The following TTC6 variants were observed in gnomAD, a reference collection of about 807,000 sequenced individuals.
TTC6 encodes tetratricopeptide repeat domain 6.
In TTC6, 172 loss-of-function variants were observed where a neutral mutation model predicts 210.4. That is an observed-to-expected ratio of 0.82 (90% CI 0.72 to 0.93). TTC6 has a LOEUF of 0.93. Among genes scored for constraint, TTC6 ranks in the 40% least tolerant of loss-of-function variants. The pLI is 0.00. For synonymous variants in TTC6, 804 were observed against 819.6 expected (o/e 0.98, Z 0.32); for missense variants, 2,414 against 2,318.1 (o/e 1.04, Z -0.85).
chr14:37,759,262 CAA>C (rs71127241), intron 14 of TTC6, among the ~76,000 whole-genome samples: 8 of 119,880 alleles, frequency 6.7e-5, no homozygotes, highest in Admixed American at 8.7e-5. Flanking sequence ...GACTCCATCT[CAA>C]AAAAAAAAAA....
At chr14:37,653,167 G>A (rs560279068) in intron 1 of TTC6, among the ~76,000 whole-genome samples, 12 of 152,182 alleles carry the variant, frequency 7.9e-5, no homozygotes, top group East Asian at 3.9e-4. Context: ...CAGTGGCTCC[G>A]GCCTTTGCCT....
At chr14:37,784,073 A>G (rs1349664203) in intron 14 of TTC6, among the ~76,000 whole-genome samples, 2 of 152,194 alleles carry the variant, frequency 1.3e-5, no homozygotes, top group African/African-American at 4.8e-5. Flanking sequence ...TTTTGGAATA[A>G]GTCCGATGTG....
chr14:37,658,050 C>CA (rs1173386312), intron 1 of TTC6, among the ~76,000 whole-genome samples: 1 of 151,920 alleles, frequency 6.6e-6, no homozygotes, highest in Non-Finnish European at 1.5e-5. Context: ...TTTGTTGAAC[C>CA]AGGAGACAAA....
intron 7 of TTC6, among the ~76,000 whole-genome samples, chr14:37,725,705 C>T (rs1330213193): frequency 1.3e-5 from 2 of 151,954 alleles, no homozygotes; most frequent in African/African-American, 4.8e-5. Flanking sequence ...ATCCATGTGA[C>T]TTTAGCTAGT....
intron 7 of TTC6, among the ~76,000 whole-genome samples, chr14:37,727,889 T>C (rs2095876888): frequency 6.6e-6 from 1 of 152,222 alleles, no homozygotes; most frequent in Non-Finnish European, 1.5e-5. Flanking sequence ...TCTTGGAATT[T>C]ATGGATATTT....
intron 20 of TTC6, among the ~76,000 whole-genome samples, chr14:37,797,950 G>T (rs2096096514): frequency 6.6e-6 from 1 of 152,002 alleles, no homozygotes; most frequent in Admixed American, 6.6e-5. Flanking sequence ...CTTATTACAA[G>T]TTTTCACATA....
chr14:37,749,828 A>ATATATACATATATATATTTTATATATGT lies in TTC6; in HGVS notation c.2941_2942insTATATACATATATATATTTTATATATGT (p.Asn981IlefsTer11). The ATATATACATATATATATTTTATATATGT allele has an allele frequency of 7.1e-7, 1 of 1,401,270 alleles. No homozygotes were observed. The highest frequency in any genetic ancestry group is 1.7e-5 in the South Asian group (1 of 59,346). 86.8% of individuals were successfully genotyped at this position (1,401,270 alleles called of 1,614,324 possible). A position where few individuals can be genotyped will look rare whatever the true frequency, so the allele number is the denominator to read the frequency against. ...TGACTTGAATTATATACATAAATAT[A>ATATATACATATATATATTTTATATATGT]ATAAAAATAATACAGGTGGGTTGTC... is the stretch of plus-strand genomic sequence containing the variant. On this transcript the variant is annotated frameshift_variant, in exon 12 of 31. Coordinates refer to ENST00000553443, the Ensembl canonical transcript of TTC6. LOFTEE classifies it high-confidence loss of function.
intron 10 of TTC6, among the ~76,000 whole-genome samples, chr14:37,742,530 A>G (rs947076825): frequency 6.7e-6 from 1 of 150,014 alleles, no homozygotes; most frequent in African/African-American, 2.5e-5. Context: ...CCACTTCATC[A>G]TCTCAAGTAG....
chr14:37,781,212 C>A (rs981699290), intron 14 of TTC6, among the ~76,000 whole-genome samples: 4 of 152,180 alleles, frequency 2.6e-5, no homozygotes, highest in African/African-American at 9.7e-5. Flanking sequence ...ACACTGTCTT[C>A]CACAATGGTT....
At chr14:37,723,434 C>T (rs1478269027) in intron 6 of TTC6, among the ~76,000 whole-genome samples, 2 of 152,146 alleles carry the variant, frequency 1.3e-5, no homozygotes, top group Non-Finnish European at 2.9e-5. Flanking sequence ...TATATGTAAA[C>T]ATCTGTATCT....
intron 26 of TTC6, among the ~76,000 whole-genome samples, chr14:37,822,328 T>A (rs1347959153): frequency 1.3e-5 from 2 of 152,156 alleles, no homozygotes; most frequent in Non-Finnish European, 2.9e-5. Flanking sequence ...CTGGGGCAAC[T>A]TTCATGAAGG....
chr14:37,738,745 G>GT (rs1346632538), intron 9 of TTC6, 31 bp from the exon 12 acceptor site: 8 of 1,409,412 alleles, frequency 5.7e-6, no homozygotes, highest in Non-Finnish European at 7.4e-6. Context: ...TTGATTTTAC[G>GT]TTTTTTCTAC....
At chr14:37,762,325 A>G (rs1316199272) in intron 14 of TTC6, among the ~76,000 whole-genome samples, 1 of 152,176 alleles carries the variant, frequency 6.6e-6, no homozygotes, top group Non-Finnish European at 1.5e-5. Context: ...GATTTCAAAT[A>G]CTTTGGATAT....
chr14:37,690,901 C>A (rs2138613900), intron 3 of TTC6, among the ~76,000 whole-genome samples: 1 of 152,252 alleles, frequency 6.6e-6, no homozygotes, highest in African/African-American at 2.4e-5. Flanking sequence ...ACATTTCATC[C>A]AATGGTTGCA....
chr14:37,833,311 A>G (rs1033879453), intron 29 of TTC6, among the ~76,000 whole-genome samples: 3 of 152,150 alleles, frequency 2.0e-5, no homozygotes, highest in African/African-American at 7.2e-5. Flanking sequence ...TGATGCATAT[A>G]TATTTACAAT....
rs1176650230 is a variant in TTC6 at position 37,646,808 on chromosome 14, A to G, written c.939+23805A>G. 2.0e-5 allele frequency among the ~76,000 whole-genome samples: 3 copies of G among 152,316 alleles called. No individual in the cohort carries two copies. In the East Asian group the frequency reaches 5.8e-4, roughly 29 times the overall value. ...ATGAAATAGGTGTGTTGTTTTGGTG[A>G]CTAAACTATTCGCATAGTTGCTACG... On this transcript the variant is annotated intron_variant, in intron 1 of 30. Transcript: ENST00000553443.
chr14:37,715,041 C>T (rs1055623923), intron 6 of TTC6, among the ~76,000 whole-genome samples: 19 of 152,134 alleles, frequency 1.2e-4, no homozygotes, highest in Admixed American at 8.5e-4. Context: ...TGGTGGCACA[C>T]GTCTGTGGTC....
chr14:37,799,034 G>T (rs988929770), intron 20 of TTC6, among the ~76,000 whole-genome samples: 1 of 152,032 alleles, frequency 6.6e-6, no homozygotes, highest in African/African-American at 2.4e-5. Flanking sequence ...GGTTTTGTGG[G>T]ATTTGAGTAT....
intron 14 of TTC6, 21 bp from the exon 17 acceptor site, chr14:37,787,447 A>C (rs1293775438): frequency 8.8e-6 from 13 of 1,479,626 alleles, no homozygotes; most frequent in Non-Finnish European, 1.2e-5. Flanking sequence ...GTACTTGTTA[A>C]AACAAACTTT....
Sources: allele counts gnomAD v4.1 joint callset (sites outside exome capture counted in the v4.1 genomes callset), GRCh38; gene constraint gnomAD v4.1.1; transcripts MANE v1.5; gene names NCBI Gene and HGNC (gene_info 2026-07-23, HGNC 2026-07-21).